The following ST8SIA4 variants were observed in gnomAD, a reference collection of about 807,000 sequenced individuals.
ST8SIA4 encodes the protein CMP-N-acetylneuraminate-poly-alpha-2,8-sialyltransferase.
In ST8SIA4, 15 loss-of-function variants were observed where a neutral mutation model predicts 33.9. The observed-to-expected ratio is 0.44, with a 90% confidence interval of 0.30 to 0.68. The LOEUF is 0.68. Among genes scored for constraint, ST8SIA4 ranks in the 30% least tolerant of loss-of-function variants. The probability of loss-of-function intolerance (pLI) is 0.10; values close to 1 mark genes in which losing one functional copy is unlikely to be tolerated. For synonymous variants in ST8SIA4, 171 were observed against 151.2 expected, an observed-to-expected ratio of 1.13 and a Z score of -0.96; for missense variants, 321 against 428.0, an observed-to-expected ratio of 0.75 and a Z score of 2.21.
Position 100,808,422 on chromosome 5 carries a change from C to A in ST8SIA4, c.*3425G>T, listed in dbSNP as rs1409524717. ...TTAGATTTGCCAAGAAAATCTATTACTTGCTCACTTTTTATTTCAGCAACT... is the reference window on the plus strand; with the variant it reads ...TTAGATTTGCCAAGAAAATCTATTAATTGCTCACTTTTTATTTCAGCAACT... On this transcript the variant is annotated 3_prime_UTR_variant, in exon 5 of 5. Transcript: ENST00000231461. The A allele has an allele frequency of 6.6e-6, 1 of 152,624 alleles. No homozygotes were observed. Among genetic ancestry groups the A allele is most frequent in the African/African-American group, 2.4e-5 (1 of 41,458 alleles). The allele number at this position is 152,624 out of a possible 1,614,324, so 9.5% of individuals were successfully genotyped here.
In ST8SIA4 at chr5:100,896,493, C is replaced by T. The variant is rs569153720; in HGVS notation, c.114-708G>A. ...ATAGGTACAAAATTTCACACTTAGA[C>T]GGGAGGAATAAGTTCTGTTGCACAA... On this transcript the variant is annotated intron_variant, in intron 1 of 4. Coordinates refer to ENST00000231461, the MANE Select transcript of ST8SIA4 (RefSeq NM_005668.6). 1.5e-4 allele frequency among the ~76,000 whole-genome samples: 23 copies of T among 152,048 alleles called. No homozygotes were observed. The South Asian group carries it at 3.5e-3, about 23-fold the overall frequency.
chr5:100,896,005 T>C (rs574697294), intron 1 of ST8SIA4, among the ~76,000 whole-genome samples: 1 of 152,124 alleles, frequency 6.6e-6, no homozygotes, highest in East Asian at 1.9e-4. Context: ...AATTAAACAA[T>C]TTCTGAATAA....
intron 3 of ST8SIA4, among the ~76,000 whole-genome samples, chr5:100,871,354 A>G (rs1752194448): frequency 6.6e-6 from 1 of 151,984 alleles, no homozygotes; most frequent in African/African-American, 2.4e-5. Flanking sequence ...TATCATCCCT[A>G]CTTTTAGGAA....
chr5:100,818,699 C>A (rs949440550), intron 4 of ST8SIA4, among the ~76,000 whole-genome samples: 2 of 152,036 alleles, frequency 1.3e-5, no homozygotes, highest in South Asian at 2.1e-4. Flanking sequence ...AGTAGAAAAT[C>A]TTTTCTACAG....
chr5:100,836,531 G>C (rs993201483), intron 4 of ST8SIA4, among the ~76,000 whole-genome samples: 1 of 151,878 alleles, frequency 6.6e-6, no homozygotes, highest in Non-Finnish European at 1.5e-5. Context: ...AGAAAGGAAG[G>C]TTCACATGCT....
intron 2 of ST8SIA4, among the ~76,000 whole-genome samples, chr5:100,890,216 G>T (rs1254194518): frequency 6.6e-6 from 1 of 151,778 alleles, no homozygotes; most frequent in East Asian, 1.9e-4. Flanking sequence ...TTATCTCCTA[G>T]TGCAAACAGT....
At chr5:100,817,109 ATTTTTTTTTTTTTTTTTT>A (rs57222657) in intron 4 of ST8SIA4, among the ~76,000 whole-genome samples, 5 of 74,326 alleles carry the variant, frequency 6.7e-5, no homozygotes, top group Admixed American at 2.3e-4. Flanking sequence ...CACCCAGCTA[ATTTTTTTTTTTTTTTTTT>A]TTTTTTTTTT....
chr5:100,853,074 G>C (rs1406768061), intron 4 of ST8SIA4, among the ~76,000 whole-genome samples: 2 of 152,166 alleles, frequency 1.3e-5, no homozygotes, highest in African/African-American at 4.8e-5. Flanking sequence ...TTGCTGAACT[G>C]TATTAACCAC....
chr5:100,836,752 T>A (rs1483771313), intron 4 of ST8SIA4, among the ~76,000 whole-genome samples: 1 of 152,046 alleles, frequency 6.6e-6, no homozygotes, highest in Non-Finnish European at 1.5e-5. Flanking sequence ...TTTTAAATTC[T>A]AAAAGCATTA....
intron 4 of ST8SIA4, among the ~76,000 whole-genome samples, chr5:100,824,893 T>G (rs1338139439): frequency 6.3e-5 from 3 of 47,262 alleles, no homozygotes; most frequent in African/African-American, 1.3e-4. Context: ...GACCCTGTCT[T>G]GACAAAAAAA....
intron 4 of ST8SIA4, among the ~76,000 whole-genome samples, chr5:100,841,408 G>T (rs1820150): frequency 0.58 from 87,870 of 151,532 alleles, 26,192 homozygotes; most frequent in South Asian, 0.74. Flanking sequence ...GCCAATTCAC[G>T]CTGACTTCTT....
At chr5:100,827,646 AT>A (rs1467134389) in intron 4 of ST8SIA4, among the ~76,000 whole-genome samples, 2 of 152,210 alleles carry the variant, frequency 1.3e-5, no homozygotes, top group Admixed American at 1.3e-4. Flanking sequence ...CATATCCTGG[AT>A]TTTACATTCT....
chr5:100,846,745 T>A (rs1272230893), intron 4 of ST8SIA4, among the ~76,000 whole-genome samples: 2 of 152,052 alleles, frequency 1.3e-5, no homozygotes, highest in Non-Finnish European at 2.9e-5. Flanking sequence ...TCCAAAGAAA[T>A]TCTAGATATT....
intron 1 of ST8SIA4, among the ~76,000 whole-genome samples, chr5:100,897,495 T>G (rs1475811697): frequency 1.3e-5 from 2 of 152,132 alleles, no homozygotes. Flanking sequence ...TCTTAGAAAG[T>G]CAAAAATATA....
chr5:100,861,890 TA>T, intron 3 of ST8SIA4, among the ~76,000 whole-genome samples: 1 of 152,190 alleles, frequency 6.6e-6, no homozygotes, highest in East Asian at 1.9e-4. Context: ...TGAAACAAAA[TA>T]TTTGGAATGC....
chr5:100,890,558 A>C (rs1169275833), intron 2 of ST8SIA4: 1 of 151,888 alleles, frequency 6.6e-6, no homozygotes, highest in Non-Finnish European at 1.5e-5. Context: ...CTAATGCTTA[A>C]TATGCATGCT....
chr5:100,899,173 TC>T (rs1752843219), intron 1 of ST8SIA4, among the ~76,000 whole-genome samples: 2 of 152,224 alleles, frequency 1.3e-5, no homozygotes, highest in Non-Finnish European at 2.9e-5. Context: ...ATGTATTTGT[TC>T]CCTTTTAACT....
chr5:100,809,252 A>AT lies in ST8SIA4; in HGVS notation c.*2594_*2595insA, dbSNP rs1750761722. ...ATAACCTGAGGTCAGGAAGTTCAAG[A>AT]CCAGCCTGGCCAACATGGTGAAACT... On this transcript the variant is annotated 3_prime_UTR_variant, in exon 5 of 5. Coordinates refer to ENST00000231461, the MANE Select transcript of ST8SIA4 (RefSeq NM_005668.6). The AT allele has an allele frequency of 6.6e-6, 1 of 152,122 alleles. No individual in the cohort carries two copies. Among genetic ancestry groups the AT allele is most frequent in the South Asian group, 2.1e-4 (1 of 4,828 alleles). 9.4% of individuals were successfully genotyped at this position (152,122 alleles called of 1,614,324 possible).
chr5:100,847,739 G>A (rs999615924), intron 4 of ST8SIA4, among the ~76,000 whole-genome samples: 10 of 152,036 alleles, frequency 6.6e-5, no homozygotes, highest in Non-Finnish European at 4.4e-5. Context: ...CAGATGAGAA[G>A]TTAGCTAGAT....
Sources: gnomAD v4.1 joint callset for allele counts (sites outside exome capture counted in the v4.1 genomes callset) on GRCh38, gnomAD v4.1.1 for gene constraint, MANE v1.5 for transcripts, NCBI Gene and HGNC (gene_info 2026-07-23, HGNC 2026-07-21) for gene names.